Variants in MAGI1 observed in about 807,000 individuals in gnomAD.
MAGI1 encodes membrane associated guanylate kinase, WW and PDZ domain containing 1.
Under a neutral mutation model 139.9 loss-of-function variants are expected in MAGI1, and 58 were observed. The ratio of observed to expected loss-of-function variants is 0.41; its 90% CI spans 0.34 to 0.52. The LOEUF (loss-of-function observed/expected upper bound fraction) is 0.52, where lower values mean the gene tolerates loss of function less well. Ranked by LOEUF, MAGI1 falls within the 20% of genes least tolerant of loss-of-function variation. MAGI1 has a pLI of 0.12. For missense variants in MAGI1, 1,874 were observed against 1,901.6 expected (o/e 0.99, Z 0.27); for synonymous variants, 812 against 737.9 (o/e 1.10, Z -1.63).
chr3:65,597,500 T>C (rs1459333102), intron 2 of MAGI1, among the ~76,000 whole-genome samples: 2 of 150,330 alleles, frequency 1.3e-5, no homozygotes, highest in African/African-American at 4.9e-5. Flanking sequence ...TGATTTTTTT[T>C]TCTCCCCCCT....
At chr3:65,497,537 T>C (rs1952543241) in intron 2 of MAGI1, among the ~76,000 whole-genome samples, 1 of 152,138 alleles carries the variant, frequency 6.6e-6, no homozygotes, top group African/African-American at 2.4e-5. Flanking sequence ...AACTCTCATC[T>C]TCAGCCTCCA....
chr3:65,496,853 C>T (rs1395566194), intron 2 of MAGI1, among the ~76,000 whole-genome samples: 2 of 152,132 alleles, frequency 1.3e-5, no homozygotes, highest in Non-Finnish European at 2.9e-5. Context: ...GCTCATCACA[C>T]CATGCTAGGT....
chr3:65,733,968 T>C (rs983738164), intron 1 of MAGI1, among the ~76,000 whole-genome samples: 1 of 152,204 alleles, frequency 6.6e-6, no homozygotes, highest in Admixed American at 6.5e-5. Context: ...TTCTGAGTGT[T>C]ACTTTTCTCC....
At chr3:65,367,481 C>T (rs1202106962) in intron 18 of MAGI1, among the ~76,000 whole-genome samples, 2 of 152,010 alleles carry the variant, frequency 1.3e-5, no homozygotes, top group Admixed American at 6.6e-5. Context: ...ATGGAAATGT[C>T]GATTTGACCT....
intron 3 of MAGI1, among the ~76,000 whole-genome samples, chr3:65,487,667 T>C (rs2107646814): frequency 6.6e-6 from 1 of 152,338 alleles, no homozygotes; most frequent in Non-Finnish European, 1.5e-5. Flanking sequence ...GCTTCACTGG[T>C]TCACTCTATT....
intron 1 of MAGI1, among the ~76,000 whole-genome samples, chr3:65,653,375 G>A (rs573152219): frequency 5.3e-4 from 81 of 152,214 alleles, no homozygotes; most frequent in Non-Finnish European, 8.8e-4. Flanking sequence ...TCTAAAAGAC[G>A]AATCTGATTG....
intron 1 of MAGI1, among the ~76,000 whole-genome samples, chr3:65,812,455 C>T (rs1378073106): frequency 8.1e-6 from 1 of 123,384 alleles, no homozygotes; most frequent in African/African-American, 3.5e-5. Flanking sequence ...TTCTCTCTCT[C>T]TCTCTCTCTC....
At chr3:65,406,221 C>T (rs1024910846) in intron 12 of MAGI1, among the ~76,000 whole-genome samples, 6 of 151,700 alleles carry the variant, frequency 4.0e-5, no homozygotes, top group South Asian at 2.1e-4. Flanking sequence ...AATGTAAATA[C>T]GGAAGAAGTA....
intron 1 of MAGI1, among the ~76,000 whole-genome samples, chr3:65,791,171 A>G (rs1271350290): frequency 6.6e-6 from 1 of 152,208 alleles, no homozygotes; most frequent in East Asian, 1.9e-4. Context: ...CGTGCTGTCC[A>G]TGCCTCCATT....
chr3:65,401,288 G>A, intron 13 of MAGI1, 151 bp downstream of exon 13: 1 of 969,864 alleles, frequency 1.0e-6, no homozygotes, highest in Non-Finnish European at 1.5e-6. Context: ...CAGATCCCCA[G>A]AACTTAAGAA....
chr3:65,819,875 C>CAAAAAAAAAAAAAGAAAAA (rs2041840546), intron 1 of MAGI1, among the ~76,000 whole-genome samples: 1 of 33,454 alleles, frequency 3.0e-5, no homozygotes, highest in Non-Finnish European at 6.4e-5. Flanking sequence ...GACTCCATCT[C>CAAAAAAAAAAAAAGAAAAA]AAAAAAAAAA....
rs539502538 is a variant in MAGI1, at chr3:65,812,699, C to CTTTTT, written c.314-190616_314-190612dup. ...AAACTGACTGGTTAAAGTTAGTTTA[C>CTTTTT]TTTTTTTTTTTTTTTTTTTTTTTTT... On this transcript the variant is annotated intron_variant, in intron 1 of 22. Transcript: ENST00000402939. Among the ~76,000 whole-genome samples, 72 of 72,906 alleles carry CTTTTT rather than the reference C, an allele frequency of 9.9e-4. 4 individuals are homozygous for CTTTTT. Among genetic ancestry groups the CTTTTT allele is most frequent in the Non-Finnish European group, 1.5e-3 (60 of 40,972 alleles). 47.8% of individuals were successfully genotyped at this position (72,906 alleles called of 152,430 possible).
chr3:65,936,972 ATGGTGGTGGTGG>A (rs1322277346), intron 1 of MAGI1, among the ~76,000 whole-genome samples: 1 of 149,824 alleles, frequency 6.7e-6, no homozygotes, highest in Non-Finnish European at 1.5e-5. Context: ...GGTGGTGGTG[ATGGTGGTGGTGG>A]TGGTGATGGT....
chr3:65,829,811 A>G (rs1176388132), intron 1 of MAGI1, among the ~76,000 whole-genome samples: 1 of 152,206 alleles, frequency 6.6e-6, no homozygotes, highest in Admixed American at 6.5e-5. Context: ...AAAGCCAAAG[A>G]TAATTAAGCT....
rs180984266 is a variant in MAGI1 at position 65,862,515 on chromosome 3, C to T, written c.313+175481G>A. ...CACAGCAGGATCTACCACTCTGTTC[C>T]TCTTCACCCTGCATCACACACCTAG... On this transcript the variant is annotated intron_variant, in intron 1 of 22. Transcript: ENST00000402939. 2.0e-5 allele frequency among the ~76,000 whole-genome samples: 3 copies of T among 152,314 alleles called. No homozygotes were observed. In the Middle Eastern group the frequency reaches 0.01, roughly 518 times the overall value.
At chr3:65,803,315 G>A (rs1300778881) in intron 1 of MAGI1, among the ~76,000 whole-genome samples, 1 of 151,976 alleles carries the variant, frequency 6.6e-6, no homozygotes, top group Non-Finnish European at 1.5e-5. Flanking sequence ...TTGTACATAT[G>A]AAAAAATATC....
intron 3 of MAGI1, 72 bp from the exon 4 acceptor site, chr3:65,478,870 C>T: frequency 1.7e-6 from 2 of 1,156,914 alleles, no homozygotes; most frequent in Non-Finnish European, 2.6e-6. Context: ...ACTTCACATC[C>T]AAATCTCTAG....
Position 65,627,327 on chromosome 3 carries a change from T to C in MAGI1, c.314-5239A>G, listed in dbSNP as rs145631475. Among the ~76,000 whole-genome samples, 19 of 152,204 alleles carry C rather than the reference T, an allele frequency of 1.2e-4. No individual in the cohort carries two copies. In the East Asian group the frequency reaches 3.7e-3, roughly 29 times the overall value. ...CTAAATCACCTAAGGCCACATTTCT[T>C]AGAATGTATTCCAGTCATTATGCAA... On this transcript the variant is annotated intron_variant, in intron 1 of 22. Coordinates refer to ENST00000402939, the MANE Select transcript of MAGI1 (RefSeq NM_001033057.2).
At chr3:65,765,661 A>G (rs1190201360) in intron 1 of MAGI1, among the ~76,000 whole-genome samples, 2 of 152,174 alleles carry the variant, frequency 1.3e-5, no homozygotes, top group African/African-American at 2.4e-5. Flanking sequence ...GAAATATTCA[A>G]CCAGAGGCTG....
Sources: gnomAD v4.1 joint callset for allele counts (sites outside exome capture counted in the v4.1 genomes callset) on GRCh38, gnomAD v4.1.1 for gene constraint, MANE v1.5 for transcripts, NCBI Gene and HGNC (gene_info 2026-07-23, HGNC 2026-07-21) for gene names.